TSGA10: variants seen among roughly 807,000 people sequenced by gnomAD.
TSGA10 encodes the protein testis-specific gene 10 protein.
In TSGA10, 43 loss-of-function variants were observed where a neutral mutation model predicts 96.6. The ratio of observed to expected loss-of-function variants is 0.44; its 90% CI spans 0.35 to 0.57. TSGA10 has a LOEUF of 0.57. Among genes scored for constraint, TSGA10 ranks in the 20% least tolerant of loss-of-function variants. The probability of loss-of-function intolerance (pLI) is 0.01; values close to 1 mark genes in which losing one functional copy is unlikely to be tolerated. For synonymous variants in TSGA10, 229 were observed against 269.9 expected (o/e 0.85, Z 1.48); for missense variants, 703 against 834.4 (o/e 0.84, Z 1.94).
intron 4 of TSGA10, among the ~76,000 whole-genome samples, chr2:99,113,846 C>T (rs1489966952): frequency 6.6e-6 from 1 of 152,162 alleles, no homozygotes; most frequent in Non-Finnish European, 1.5e-5. Flanking sequence ...CAGCCCTGGC[C>T]ATCATCTTGA....
chr2:99,057,390 T>C (rs2084128423), intron 16 of TSGA10, among the ~76,000 whole-genome samples: 1 of 152,124 alleles, frequency 6.6e-6, no homozygotes, highest in Admixed American at 6.5e-5. Flanking sequence ...ACTTAATAAA[T>C]AAGTTCAGCA....
chr2:99,073,115 T>A (rs1249377229), intron 12 of TSGA10, 42 bp from the exon 13 acceptor site: 2 of 1,292,382 alleles, frequency 1.5e-6, no homozygotes, highest in African/African-American at 1.5e-5. Flanking sequence ...AATCTTAAGC[T>A]GTTATTTCTG....
chr2:99,059,645 A>AAC (rs371798898), intron 16 of TSGA10, among the ~76,000 whole-genome samples: 12 of 150,826 alleles, frequency 8.0e-5, no homozygotes, highest in East Asian at 1.9e-4. Flanking sequence ...TCTTGGGGGA[A>AAC]ACACACACAC....
chr2:99,018,973 T>C (rs1188608138), intron 18 of TSGA10, among the ~76,000 whole-genome samples: 1 of 152,228 alleles, frequency 6.6e-6, no homozygotes, highest in African/African-American at 2.4e-5. Flanking sequence ...AGGTATTCTA[T>C]AAAGTAGTGG....
intron 2 of TSGA10, chr2:99,125,793 C>G (rs1173211513): frequency 2.6e-5 from 4 of 152,238 alleles, no homozygotes; most frequent in African/African-American, 9.7e-5. Context: ...AATGGGAGTT[C>G]AGGCTCCCCA....
At chr2:99,102,731 AGAT>A in intron 10 of TSGA10, 3 of 1,608,770 alleles carry the variant, frequency 1.9e-6, no homozygotes, top group Non-Finnish European at 2.5e-6. Context: ...ACTTTGTAGA[AGAT>A]GATACCACAC....
intron 10 of TSGA10, among the ~76,000 whole-genome samples, chr2:99,095,076 A>G (rs1488115551): frequency 6.6e-6 from 1 of 152,238 alleles, no homozygotes; most frequent in Non-Finnish European, 1.5e-5. Context: ...CATAAAAAGG[A>G]ATGAAATAAT....
At chr2:99,107,783 A>T (rs1393980043) in intron 7 of TSGA10, among the ~76,000 whole-genome samples, 2 of 152,188 alleles carry the variant, frequency 1.3e-5, no homozygotes, top group African/African-American at 4.8e-5. Context: ...AATAGGGCTG[A>T]TTAGTTACAA....
intron 10 of TSGA10, among the ~76,000 whole-genome samples, chr2:99,100,467 T>C (rs537101893): frequency 2.3e-4 from 35 of 152,300 alleles, no homozygotes; most frequent in African/African-American, 6.0e-4. Flanking sequence ...TGAGTAATCA[T>C]GTATTAAAAA....
At chr2:99,006,653 T>C (rs2078505526) in intron 20 of TSGA10, among the ~76,000 whole-genome samples, 1 of 152,180 alleles carries the variant, frequency 6.6e-6, no homozygotes, top group African/African-American at 2.4e-5. Flanking sequence ...CAACAGGTGC[T>C]GGAGAGGATG....
At chr2:99,012,051 C>T (rs1041895705) in intron 20 of TSGA10, among the ~76,000 whole-genome samples, 1 of 152,100 alleles carries the variant, frequency 6.6e-6, no homozygotes, top group Non-Finnish European at 1.5e-5. Flanking sequence ...TATGAAACAG[C>T]CAAGAATTTT....
At chr2:99,021,696 C>T (rs115285503) in intron 17 of TSGA10, among the ~76,000 whole-genome samples, 2,334 of 152,266 alleles carry the variant, frequency 0.015, 66 homozygotes, top group African/African-American at 0.053. Flanking sequence ...CCAGCATTCC[C>T]CACTCTAGTC....
At chr2:99,116,670 C>G (rs775915060) in intron 4 of TSGA10, among the ~76,000 whole-genome samples, 35 of 151,324 alleles carry the variant, frequency 2.3e-4, no homozygotes, top group Admixed American at 7.2e-4. Context: ...TGAACAAGAA[C>G]CAAATCTCAG....
At chr2:99,023,153 C>A (rs2080201151) in intron 17 of TSGA10, among the ~76,000 whole-genome samples, 1 of 152,110 alleles carries the variant, frequency 6.6e-6, no homozygotes, top group Admixed American at 6.6e-5. Context: ...CTGTGCACCA[C>A]CACACCTGGT....
At chr2:99,006,249 T>G (rs2078459479) in intron 20 of TSGA10, among the ~76,000 whole-genome samples, 1 of 152,140 alleles carries the variant, frequency 6.6e-6, no homozygotes, top group Non-Finnish European at 1.5e-5. Context: ...ACTTCATGTC[T>G]AAAACACCAA....
intron 17 of TSGA10, among the ~76,000 whole-genome samples, chr2:99,028,465 T>A (rs974449680): frequency 2.0e-5 from 3 of 152,228 alleles, no homozygotes; most frequent in African/African-American, 7.2e-5. Context: ...CTGTTGTATG[T>A]GTGTGTTAAG....
chr2:99,134,891 G>T (rs959942741), intron 1 of TSGA10, among the ~76,000 whole-genome samples: 1 of 152,200 alleles, frequency 6.6e-6, no homozygotes, highest in Non-Finnish European at 1.5e-5. Flanking sequence ...TCCAGACCCT[G>T]TTTGCCTGAG....
chr2:99,138,721 T>C (rs1208293867), intron 1 of TSGA10, among the ~76,000 whole-genome samples: 1 of 152,198 alleles, frequency 6.6e-6, no homozygotes, highest in African/African-American at 2.4e-5. Context: ...TACATAAGGA[T>C]CCTCTTTCAG....
chr2:99,028,921 C>T (rs567379806), intron 17 of TSGA10, among the ~76,000 whole-genome samples: 17 of 152,034 alleles, frequency 1.1e-4, no homozygotes, highest in Non-Finnish European at 1.9e-4. Flanking sequence ...AAAAGTTTTA[C>T]GTAAAAAAAT....
Sources: gnomAD v4.1 joint callset for allele counts (sites outside exome capture counted in the v4.1 genomes callset) on GRCh38, gnomAD v4.1.1 for gene constraint, MANE v1.5 for transcripts, NCBI Gene and HGNC (gene_info 2026-07-23, HGNC 2026-07-21) for gene names.